ABCG2: variants seen among roughly 807,000 people sequenced by gnomAD.
The protein encoded by ABCG2 is ATP binding cassette subfamily G member 2 (JR blood group), also known as broad substrate specificity ATP-binding cassette transporter ABCG2.
In ABCG2, 80 loss-of-function variants were observed where a neutral mutation model predicts 73.5. That is an observed-to-expected ratio of 1.09 (90% CI 0.91 to 1.31). The LOEUF (loss-of-function observed/expected upper bound fraction) is 1.31, where lower values mean the gene tolerates loss of function less well. ABCG2 is among the 50% of genes most tolerant of loss of function. ABCG2 has a pLI of 0.00. For missense variants in ABCG2, 796 were observed against 786.2 expected, an observed-to-expected ratio of 1.01 and a Z score of -0.15; for synonymous variants, 269 against 282.4, an observed-to-expected ratio of 0.95 and a Z score of 0.48.
At chr4:88,119,521 C>T (rs1044392252) in intron 6 of ABCG2, among the ~76,000 whole-genome samples, 3 of 152,202 alleles carry the variant, frequency 2.0e-5, no homozygotes, top group Non-Finnish European at 4.4e-5. Context: ...GGCTGAAATG[C>T]TGACAGTGAT....
chr4:88,115,109 A>C, intron 7 of ABCG2, 51 bp from the exon 8 acceptor site: 1 of 1,298,710 alleles, frequency 7.7e-7, no homozygotes, highest in Non-Finnish European at 1.1e-6. Context: ...TTGGAAAACA[A>C]AGAGAACTCA....
intron 1 of ABCG2, among the ~76,000 whole-genome samples, chr4:88,211,457 T>A (rs1243081491): frequency 6.6e-6 from 1 of 150,788 alleles, no homozygotes. Context: ...CACTCTGTTG[T>A]CCAGGCTGGA....
At chr4:88,138,116 A>C (rs1360817616) in intron 2 of ABCG2, among the ~76,000 whole-genome samples, 1 of 152,220 alleles carries the variant, frequency 6.6e-6, no homozygotes, top group African/African-American at 2.4e-5. Flanking sequence ...ACCACACTCC[A>C]GCTTAGGTGA....
Position 88,113,364 on chromosome 4 carries a change from C to G in ABCG2, c.1133G>C (p.Arg378Thr), listed in dbSNP as rs1368777826. ...SYTTSFCHQL[R>T]WVSKRSFKNL... ...TTTGAATGAACGCTTGGAAACCCAT[C>G]TGAGTTGATGACAGAAGGAGGTGGT... The change falls in exon 9 of 16, where the codon AGA (arginine) becomes ACA (threonine). Residue 378 changes from arginine to threonine, a missense_variant. By Grantham distance (71) the Arg-to-Thr change is moderately conservative. Transcript: ENST00000237612. 6.2e-7 allele frequency: 1 copy of G among 1,614,060 alleles called. No individual in the cohort carries two copies. Among genetic ancestry groups the G allele is most frequent in the African/African-American group, 1.3e-5 (1 of 74,932 alleles).
intron 1 of ABCG2, among the ~76,000 whole-genome samples, chr4:88,192,050 T>C (rs1158532054): frequency 6.6e-6 from 1 of 152,018 alleles, no homozygotes; most frequent in Non-Finnish European, 1.5e-5. Flanking sequence ...CGCATGCCTG[T>C]AGCCCCAGCT....
intron 12 of ABCG2, among the ~76,000 whole-genome samples, chr4:88,098,685 T>C (rs10433946): frequency 0.027 from 4,067 of 151,616 alleles, 202 homozygotes; most frequent in East Asian, 0.14. Context: ...GATAGATAGA[T>C]AGACAGATAG....
chr4:88,092,170 G>A lies in ABCG2; in HGVS notation c.*64C>T, dbSNP rs1398547984. 17 of 1,461,436 alleles carry A rather than the reference G, an allele frequency of 1.2e-5. No homozygotes were observed. Among genetic ancestry groups the A allele is most frequent in the Admixed American group, 2.1e-5 (1 of 47,564 alleles). The allele number at this position is 1,461,436 out of a possible 1,614,324, so 90.5% of individuals were successfully genotyped here. ...CAGAAAACAACAAAAAAACTTGATTGAATACTTCAATCAAAGTGCTTCTTT... is the reference window on the plus strand; with the variant it reads ...CAGAAAACAACAAAAAAACTTGATTAAATACTTCAATCAAAGTGCTTCTTT... On this transcript the variant is annotated 3_prime_UTR_variant, in exon 16 of 16. Coordinates refer to ENST00000237612, the MANE Select transcript of ABCG2 (RefSeq NM_004827.3).
chr4:88,199,715 T>G (rs1578272964), intron 1 of ABCG2, among the ~76,000 whole-genome samples: 1 of 152,226 alleles, frequency 6.6e-6, no homozygotes, highest in Non-Finnish European at 1.5e-5. Flanking sequence ...TTTACTTTAT[T>G]TAGGCCGGGC....
chr4:88,158,792 AT>A (rs1727139233), upstream of ABCG2: 1 of 343,994 alleles, frequency 2.9e-6, no homozygotes, highest in South Asian at 2.2e-5. Context: ...GGAGGTCACG[AT>A]GGGAGCCGGC....
chr4:88,214,397 C>T (rs1345713532), intron 1 of ABCG2, among the ~76,000 whole-genome samples: 1 of 152,064 alleles, frequency 6.6e-6, no homozygotes, highest in Non-Finnish European at 1.5e-5. Flanking sequence ...TTCTCCAATC[C>T]CTCCCCCATT....
chr4:88,148,611 G>C (rs576303624), intron 1 of ABCG2, among the ~76,000 whole-genome samples: 3 of 152,086 alleles, frequency 2.0e-5, no homozygotes, highest in Non-Finnish European at 4.4e-5. Flanking sequence ...GTATCTATAG[G>C]AAATTAATAA....
At chr4:88,113,606 G>T in intron 8 of ABCG2, 53 bp from the exon 9 acceptor site, 1 of 1,584,004 alleles carries the variant, frequency 6.3e-7, no homozygotes, top group Non-Finnish European at 8.6e-7. Flanking sequence ...AACAAATTTA[G>T]CCCATTTTTT....
rs560940293 is a variant in ABCG2, at chr4:88,207,952, A to G, written c.-20+23042T>C. 3.3e-5 allele frequency among the ~76,000 whole-genome samples: 5 copies of G among 152,320 alleles called. No individual in the cohort carries two copies. The South Asian group carries it at 1.0e-3, about 32-fold the overall frequency. On this transcript the variant is annotated intron_variant, in intron 1 of 15. Coordinates refer to the ABCG2 transcript ENST00000515655. ...GAATTTTAGAAATCAATATAAGATA[A>G]CTAAAGTTGTAAATTTAAGACTCTG...
At chr4:88,158,933 G>A (rs1036538817), upstream of ABCG2, 1 of 346,584 alleles carries the variant, frequency 2.9e-6, no homozygotes, top group Admixed American at 4.0e-5. Flanking sequence ...CAGCGCCCCG[G>A]GTTTCCCCAG....
intron 5 of ABCG2, 44 bp from the exon 6 acceptor site, chr4:88,121,836 T>A: frequency 6.3e-7 from 1 of 1,590,828 alleles, no homozygotes; most frequent in South Asian, 1.1e-5. Context: ...CAACCAGTCA[T>A]TATCATTTGG....
intron 1 of ABCG2, among the ~76,000 whole-genome samples, chr4:88,210,889 C>T (rs1729564177): frequency 6.6e-6 from 1 of 151,960 alleles, no homozygotes; most frequent in Non-Finnish European, 1.5e-5. Flanking sequence ...CAAGGAATAA[C>T]AGAAGCCAGA....
chr4:88,146,516 T>A (rs1445608709), intron 1 of ABCG2, among the ~76,000 whole-genome samples: 4 of 151,982 alleles, frequency 2.6e-5, no homozygotes, highest in Non-Finnish European at 5.9e-5. Context: ...TGCATCAGCC[T>A]CCCAAGTAGC....
intron 5 of ABCG2, among the ~76,000 whole-genome samples, chr4:88,123,456 T>C (rs769699329): frequency 2.6e-5 from 4 of 152,056 alleles, no homozygotes; most frequent in Non-Finnish European, 4.4e-5. Context: ...AACCAGTTTA[T>C]AGAAGAACAT....
intron 1 of ABCG2, among the ~76,000 whole-genome samples, chr4:88,169,972 A>C (rs1276355662): frequency 1.3e-5 from 2 of 151,988 alleles, no homozygotes; most frequent in African/African-American, 4.8e-5. Context: ...TTAGCCAGGC[A>C]TGGTGGCATG....
Sources: gnomAD v4.1 joint callset for allele counts (sites outside exome capture counted in the v4.1 genomes callset) on GRCh38, gnomAD v4.1.1 for gene constraint, MANE v1.5 for transcripts, NCBI Gene and HGNC (gene_info 2026-07-23, HGNC 2026-07-21) for gene names.